Variants in SPAG16 observed in about 807,000 individuals in gnomAD.
SPAG16 encodes the protein sperm-associated antigen 16 protein.
A neutral mutation model predicts 80.4 loss-of-function variants in SPAG16; 86 were observed. That is an observed-to-expected ratio of 1.07 (90% CI 0.90 to 1.28). The LOEUF (loss-of-function observed/expected upper bound fraction) is 1.28, where lower values mean the gene tolerates loss of function less well. Ranked by LOEUF, SPAG16 falls within the 50% of genes most tolerant of loss-of-function variation. The pLI is 0.00. For synonymous variants in SPAG16, 294 were observed against 265.9 expected (o/e 1.11, Z -1.03); for missense variants, 870 against 765.3 (o/e 1.14, Z -1.61).
intron 14 of SPAG16, among the ~76,000 whole-genome samples, chr2:214,111,308 T>C (rs2053651409): frequency 6.6e-6 from 1 of 152,218 alleles, no homozygotes; most frequent in Non-Finnish European, 1.5e-5. Flanking sequence ...AATTTTTGTA[T>C]AAGGTGTGAG....
intron 9 of SPAG16, among the ~76,000 whole-genome samples, chr2:213,376,545 T>A (rs1455005384): frequency 6.6e-6 from 1 of 152,048 alleles, no homozygotes; most frequent in Non-Finnish European, 1.5e-5. Context: ...TTTACTAGTA[T>A]TTCTCTTAAT....
At chr2:214,297,240 A>C (rs1235705417) in intron 15 of SPAG16, among the ~76,000 whole-genome samples, 1 of 151,834 alleles carries the variant, frequency 6.6e-6, no homozygotes, top group Non-Finnish European at 1.5e-5. Context: ...ATTTGCAATT[A>C]TTTTCTTCAA....
intron 12 of SPAG16, among the ~76,000 whole-genome samples, chr2:214,012,272 ATATATATATATATATATT>A: frequency 2.4e-5 from 1 of 41,596 alleles, no homozygotes; most frequent in Non-Finnish European, 5.0e-5. Flanking sequence ...ATATATATAT[ATATATATATATATATATT>A]TTTTTTTTTT....
intron 15 of SPAG16, among the ~76,000 whole-genome samples, chr2:214,296,996 C>T (rs1295997638): frequency 6.6e-6 from 1 of 152,166 alleles, no homozygotes; most frequent in African/African-American, 2.4e-5. Flanking sequence ...TGATTGTTAG[C>T]TCACTGAGGC....
At chr2:213,490,752 T>A (rs2125730071) in intron 10 of SPAG16, among the ~76,000 whole-genome samples, 1 of 152,296 alleles carries the variant, frequency 6.6e-6, no homozygotes, top group Admixed American at 6.5e-5. Flanking sequence ...TTAATTATGG[T>A]TTAGTTTATA....
intron 10 of SPAG16, among the ~76,000 whole-genome samples, chr2:213,836,639 T>G (rs1378886557): frequency 6.6e-6 from 1 of 152,128 alleles, no homozygotes; most frequent in Admixed American, 6.6e-5. Flanking sequence ...TTTTAGATAG[T>G]CTTGCTCTTG....
At chr2:214,221,721 C>T (rs1409097968) in intron 15 of SPAG16, among the ~76,000 whole-genome samples, 1 of 152,194 alleles carries the variant, frequency 6.6e-6, no homozygotes, top group East Asian at 1.9e-4. Context: ...GGCTTTAAAA[C>T]TCTATGCATC....
intron 10 of SPAG16, among the ~76,000 whole-genome samples, chr2:213,510,866 T>A (rs1482737648): frequency 6.6e-6 from 1 of 152,158 alleles, no homozygotes; most frequent in African/African-American, 2.4e-5. Flanking sequence ...ATATTTCCAA[T>A]CCTGGAACCA....
chr2:213,469,225 G>T lies in SPAG16; in HGVS notation c.943-20738G>T, dbSNP rs181920347. On this transcript the variant is annotated intron_variant, in intron 9 of 15. Transcript: ENST00000331683. The stretch of plus-strand genomic sequence containing the variant: ...ATAATCAAATAAAGACAACAATAAG[G>T]TAATAATTACACCTAACATAATAAA... Among the ~76,000 whole-genome samples the T allele has an allele frequency of 1.6e-3, 244 of 152,076 alleles. 3 individuals carry two copies. Among genetic ancestry groups the T allele is most frequent in the Middle Eastern group, 3.4e-3 (1 of 294 alleles).
intron 10 of SPAG16, among the ~76,000 whole-genome samples, chr2:213,551,597 C>T (rs2076781949): frequency 6.6e-6 from 1 of 152,120 alleles, no homozygotes; most frequent in African/African-American, 2.4e-5. Context: ...TCTTTAGATA[C>T]TTAGAAGTGG....
intron 10 of SPAG16, among the ~76,000 whole-genome samples, chr2:213,633,017 T>G (rs530294211): frequency 1.3e-5 from 2 of 152,224 alleles, no homozygotes; most frequent in African/African-American, 4.8e-5. Context: ...CCACCTTTGT[T>G]TTTTAGAATA....
chr2:213,659,450 T>C (rs966995384), intron 10 of SPAG16, among the ~76,000 whole-genome samples: 17 of 152,074 alleles, frequency 1.1e-4, no homozygotes, highest in Non-Finnish European at 1.9e-4. Flanking sequence ...TTTTAAAAAA[T>C]TGCAATTATA....
At chr2:213,736,585 G>T (rs1477699485) in intron 10 of SPAG16, among the ~76,000 whole-genome samples, 2 of 152,034 alleles carry the variant, frequency 1.3e-5, no homozygotes, top group African/African-American at 4.8e-5. Context: ...TTAATAAGAT[G>T]ACAACTGAAG....
chr2:213,754,684 A>ATGAAATCTTAAATATAACAT (rs138074351), intron 10 of SPAG16, among the ~76,000 whole-genome samples: 39 of 152,160 alleles, frequency 2.6e-4, no homozygotes, highest in African/African-American at 8.0e-4. Flanking sequence ...ATTAGTCAAA[A>ATGAAATCTTAAATATAACAT]TGAAATAAAA....
intron 13 of SPAG16, among the ~76,000 whole-genome samples, chr2:214,093,642 A>G (rs569689596): frequency 1.3e-5 from 2 of 152,224 alleles, no homozygotes; most frequent in South Asian, 4.1e-4. Context: ...TTTAACAGCC[A>G]TATAGCACAG....
chr2:213,623,260 A>G (rs2061848170), intron 10 of SPAG16, among the ~76,000 whole-genome samples: 1 of 152,142 alleles, frequency 6.6e-6, no homozygotes, highest in Non-Finnish European at 1.5e-5. Flanking sequence ...TTTTAAGTGA[A>G]GGAGCTACTG....
intron 5 of SPAG16, among the ~76,000 whole-genome samples, chr2:213,334,827 G>T (rs2064272327): frequency 6.6e-6 from 1 of 152,016 alleles, no homozygotes; most frequent in African/African-American, 2.4e-5. Context: ...TGTGTGTGTG[G>T]GTGAGCCAGG....
At chr2:213,369,481 G>A (rs2066512068) in intron 8 of SPAG16, among the ~76,000 whole-genome samples, 1 of 152,054 alleles carries the variant, frequency 6.6e-6, no homozygotes, top group African/African-American at 2.4e-5. Context: ...TTACATGCCT[G>A]TTTATATTTG....
intron 8 of SPAG16, among the ~76,000 whole-genome samples, chr2:213,369,551 A>T (rs10932480): frequency 0.41 from 61,994 of 151,202 alleles, 13,363 homozygotes; most frequent in South Asian, 0.68. Context: ...AAATGCATAA[A>T]TTTAAGTATA....
Sources: gnomAD v4.1 joint callset for allele counts (sites outside exome capture counted in the v4.1 genomes callset) on GRCh38, gnomAD v4.1.1 for gene constraint, MANE v1.5 for transcripts, NCBI Gene and HGNC (gene_info 2026-07-23, HGNC 2026-07-21) for gene names.